GPC6: variants seen among roughly 807,000 people sequenced by gnomAD.
GPC6 encodes the protein glypican 6.
In GPC6, 14 loss-of-function variants were observed where a neutral mutation model predicts 55.2. The ratio of observed to expected loss-of-function variants is 0.25; its 90% CI spans 0.17 to 0.40. The LOEUF is 0.40. Among genes scored for constraint, GPC6 ranks in the 10% least tolerant of loss-of-function variants. GPC6 has a pLI of 1.00. For synonymous variants in GPC6, 278 were observed against 259.6 expected, an observed-to-expected ratio of 1.07 and a Z score of -0.68; for missense variants, 641 against 708.5, an observed-to-expected ratio of 0.90 and a Z score of 1.08.
chr13:94,295,404 A>G (rs1167256572), intron 5 of GPC6, among the ~76,000 whole-genome samples: 1 of 152,180 alleles, frequency 6.6e-6, no homozygotes, highest in Non-Finnish European at 1.5e-5. Context: ...GTCTTGTCTC[A>G]CCTATGATAG....
chr13:94,325,447 T>A (rs1438338196), intron 6 of GPC6, among the ~76,000 whole-genome samples: 2 of 152,216 alleles, frequency 1.3e-5, no homozygotes, highest in Non-Finnish European at 2.9e-5. Context: ...CACTGTTATA[T>A]TCTCAAAGAC....
intron 4 of GPC6, among the ~76,000 whole-genome samples, chr13:94,255,194 A>C (rs1035997139): frequency 6.6e-5 from 10 of 152,208 alleles, no homozygotes; most frequent in Non-Finnish European, 4.4e-5. Context: ...AAGACTGGCT[A>C]GGCGTTTACA....
chr13:93,955,088 C>T (rs2140377109), intron 3 of GPC6, among the ~76,000 whole-genome samples: 1 of 152,228 alleles, frequency 6.6e-6, no homozygotes, highest in Admixed American at 6.5e-5. Context: ...GTGCCATTGA[C>T]CAAGGGATGA....
At chr13:93,459,737 G>C (rs1878609271) in intron 1 of GPC6, among the ~76,000 whole-genome samples, 1 of 152,100 alleles carries the variant, frequency 6.6e-6, no homozygotes, top group African/African-American at 2.4e-5. Flanking sequence ...TTTAGAACCT[G>C]TTTCTTGGCT....
intron 6 of GPC6, among the ~76,000 whole-genome samples, chr13:94,348,164 C>T (rs1878376675): frequency 6.6e-6 from 1 of 152,226 alleles, no homozygotes; most frequent in Non-Finnish European, 1.5e-5. Flanking sequence ...TTCTCCTACA[C>T]TTCTACCAAA....
chr13:93,758,680 T>C (rs1204674734), intron 2 of GPC6, among the ~76,000 whole-genome samples: 1 of 152,060 alleles, frequency 6.6e-6, no homozygotes, highest in Non-Finnish European at 1.5e-5. Flanking sequence ...TTATGTTTTC[T>C]TCCTTTTCTT....
intron 2 of GPC6, among the ~76,000 whole-genome samples, chr13:93,629,831 G>C (rs1594324863): frequency 6.6e-6 from 1 of 152,134 alleles, no homozygotes; most frequent in Admixed American, 6.6e-5. Flanking sequence ...GACAAGAGTA[G>C]AGATTGCAAC....
intron 4 of GPC6, among the ~76,000 whole-genome samples, chr13:94,108,842 CA>C (rs1270729096): frequency 2.4e-4 from 22 of 91,986 alleles, no homozygotes; most frequent in Admixed American, 4.7e-4. Flanking sequence ...GACTCCGTCT[CA>C]AAAAAAAAAA....
chr13:93,257,357 A>G (rs191386928), intron 1 of GPC6, among the ~76,000 whole-genome samples: 156 of 152,300 alleles, frequency 1.0e-3, no homozygotes, highest in Non-Finnish European at 1.7e-3. Flanking sequence ...AATGGTCTAC[A>G]CTTACCTTTC....
intron 1 of GPC6, among the ~76,000 whole-genome samples, chr13:93,267,616 A>G (rs1877368486): frequency 6.6e-6 from 1 of 152,162 alleles, no homozygotes; most frequent in South Asian, 2.1e-4. Context: ...AATGTGTGAT[A>G]TTATTTTCAG....
Position 94,087,576 on chromosome 13 carries a change from C to T in GPC6, c.877+59682C>T, listed in dbSNP as rs139416931. Among the ~76,000 whole-genome samples the T allele has an allele frequency of 1.1e-3, 171 of 152,286 alleles. 2 individuals are homozygous for T. Among genetic ancestry groups the T allele is most frequent in the African/African-American group, 4.0e-3 (167 of 41,562 alleles). ...TCCACAGAATCTCATCAAGTGTGGA[C>T]GGCAATCCTAACAGGCTATTGATAA... is the stretch of plus-strand genomic sequence containing the variant. On this transcript the variant is annotated intron_variant, in intron 4 of 8. Transcript: ENST00000377047.
chr13:93,422,065 C>T (rs986536462), intron 1 of GPC6, among the ~76,000 whole-genome samples: 4 of 152,110 alleles, frequency 2.6e-5, no homozygotes, highest in African/African-American at 7.2e-5. Context: ...GAAATATTCA[C>T]CTTGATACAC....
At chr13:94,026,127 C>CA (rs1362082672) in intron 3 of GPC6, among the ~76,000 whole-genome samples, 5 of 151,780 alleles carry the variant, frequency 3.3e-5, no homozygotes, top group South Asian at 4.1e-4. Context: ...AAAGAAAATG[C>CA]AAAAAAACTC....
intron 2 of GPC6, among the ~76,000 whole-genome samples, chr13:93,770,103 A>C (rs912906755): frequency 1.3e-5 from 2 of 152,180 alleles, no homozygotes; most frequent in Non-Finnish European, 2.9e-5. Context: ...TAGTGCATGC[A>C]TCTGTCTGCT....
At chr13:94,245,604 T>C (rs917628788) in intron 4 of GPC6, among the ~76,000 whole-genome samples, 1 of 152,030 alleles carries the variant, frequency 6.6e-6, no homozygotes, top group Admixed American at 6.6e-5. Flanking sequence ...AGTGAGATCA[T>C]GCAATAATTT....
intron 2 of GPC6, among the ~76,000 whole-genome samples, chr13:93,589,223 A>G (rs752482970): frequency 6.6e-6 from 1 of 152,062 alleles, no homozygotes; most frequent in East Asian, 1.9e-4. Flanking sequence ...TTTAAGAAGG[A>G]GTTGCAGACA....
At chr13:94,081,486 T>A (rs1442346101) in intron 4 of GPC6, among the ~76,000 whole-genome samples, 1 of 152,100 alleles carries the variant, frequency 6.6e-6, no homozygotes, top group Non-Finnish European at 1.5e-5. Flanking sequence ...ACGACTACTA[T>A]CCATAAAATA....
At chr13:93,953,948 A>G (rs374556674) in intron 3 of GPC6, among the ~76,000 whole-genome samples, 1 of 152,194 alleles carries the variant, frequency 6.6e-6, no homozygotes, top group African/African-American at 2.4e-5. Context: ...AAAGTGTACA[A>G]TTCACTGACA....
intron 2 of GPC6, among the ~76,000 whole-genome samples, chr13:93,792,845 C>A (rs998675665): frequency 6.6e-6 from 1 of 152,124 alleles, no homozygotes; most frequent in East Asian, 1.9e-4. Flanking sequence ...ACAGGCTGAA[C>A]TATTGGGGAA....
Sources: gnomAD v4.1 joint callset for allele counts (sites outside exome capture counted in the v4.1 genomes callset) on GRCh38, gnomAD v4.1.1 for gene constraint, MANE v1.5 for transcripts, NCBI Gene and HGNC (gene_info 2026-07-23, HGNC 2026-07-21) for gene names.